Variants in PLXNA2 observed in about 807,000 individuals in gnomAD.
PLXNA2 encodes the protein plexin A2.
PLXNA2 carries 91 observed loss-of-function variants against 193.5 expected under a neutral mutation model. That is an observed-to-expected ratio of 0.47 (90% CI 0.40 to 0.56). PLXNA2 has a LOEUF of 0.56. Ranked by LOEUF, PLXNA2 falls within the 20% of genes least tolerant of loss-of-function variation. PLXNA2 has a pLI of 0.00. For missense variants in PLXNA2, 1,995 were observed against 2,503.2 expected (o/e 0.80, Z 4.33); for synonymous variants, 997 against 1,027.3 (o/e 0.97, Z 0.56).
At chr1:208,145,299 G>C (rs1344923060) in intron 3 of PLXNA2, among the ~76,000 whole-genome samples, 1 of 152,116 alleles carries the variant, frequency 6.6e-6, no homozygotes, top group Non-Finnish European at 1.5e-5. Flanking sequence ...TCCTCTCCAG[G>C]GAGATTTAAG....
chr1:208,121,268 C>T (rs1240965782), intron 4 of PLXNA2, among the ~76,000 whole-genome samples: 1 of 152,064 alleles, frequency 6.6e-6, no homozygotes, highest in Non-Finnish European at 1.5e-5. Context: ...TCCCTAAAAC[C>T]CTCTCACCCC....
intron 3 of PLXNA2, among the ~76,000 whole-genome samples, chr1:208,192,898 GAA>G (rs1553295082): frequency 3.8e-5 from 2 of 52,286 alleles, no homozygotes; most frequent in African/African-American, 1.5e-4. Context: ...AAAAGAAAAA[GAA>G]AAAGAAAAAA....
At chr1:208,235,275 T>C (rs1253508307) in intron 1 of PLXNA2, among the ~76,000 whole-genome samples, 1 of 152,214 alleles carries the variant, frequency 6.6e-6, no homozygotes, top group South Asian at 2.1e-4. Context: ...TTCTTTAGCA[T>C]AGAGATTTTC....
At chr1:208,172,120 A>T (rs1006420088) in intron 3 of PLXNA2, among the ~76,000 whole-genome samples, 10 of 150,968 alleles carry the variant, frequency 6.6e-5, no homozygotes, top group Admixed American at 1.3e-4. Flanking sequence ...AGCTGGGGGG[A>T]AAACAGGCAA....
At chr1:208,229,983 GT>G (rs1261229710) in intron 1 of PLXNA2, among the ~76,000 whole-genome samples, 1 of 152,154 alleles carries the variant, frequency 6.6e-6, no homozygotes, top group Non-Finnish European at 1.5e-5. Flanking sequence ...TACGAGTCTG[GT>G]GACCTTGAAC....
Position 208,028,359 on chromosome 1 carries a change from T to A in PLXNA2, c.5439-200A>T, listed in dbSNP as rs1664401524. Among the ~76,000 whole-genome samples the A allele has an allele frequency of 6.6e-6, 1 of 152,174 alleles. No individual in the cohort carries two copies. Among genetic ancestry groups the A allele is most frequent in the South Asian group, 2.1e-4 (1 of 4,820 alleles). ...GCCAGAGTTTCTTCAGTAGATTCCA[T>A]CTAGCCGAGAGCTCGTGGCTGCGGT... On this transcript the variant is annotated intron_variant, in intron 30 of 31. Transcript: ENST00000367033. This position sits in a 1 kb window ranked among gnomAD's most constrained non-coding sequence, Gnocchi z 4.2.
Position 208,038,724 on chromosome 1 carries a change from G to T in PLXNA2, c.4660+101C>A. 1 of 1,277,444 alleles carries T rather than the reference G, an allele frequency of 7.8e-7. No individual in the cohort carries two copies. The highest frequency in any genetic ancestry group is 1.3e-5 in the South Asian group (1 of 74,530). The allele number at this position is 1,277,444 out of a possible 1,614,324, so 79.1% of individuals were successfully genotyped here. A position where few individuals can be genotyped will look rare whatever the true frequency, so the allele number is the denominator to read the frequency against. On this transcript the variant is annotated intron_variant, in intron 25 of 31. Transcript: ENST00000367033. This position sits in a 1 kb window ranked among gnomAD's most constrained non-coding sequence, Gnocchi z 4.1. ...AAGCATTTCACACGGGCCTCAGCTG[G>T]CCAGGACACAGTCATGCCCCTGCAA...
intron 9 of PLXNA2, among the ~76,000 whole-genome samples, chr1:208,088,780 G>T (rs1666617893): frequency 6.6e-6 from 1 of 152,234 alleles, no homozygotes; most frequent in African/African-American, 2.4e-5. Context: ...AAATCAATGT[G>T]TGTTGTAAGT....
intron 12 of PLXNA2, among the ~76,000 whole-genome samples, chr1:208,078,116 G>A (rs952420469): frequency 6.6e-6 from 1 of 152,172 alleles, no homozygotes; most frequent in Non-Finnish European, 1.5e-5. Flanking sequence ...GTATAAACTT[G>A]GGCATGTCAC....
intron 26 of PLXNA2, among the ~76,000 whole-genome samples, chr1:208,036,280 T>C (rs1475318531): frequency 1.3e-5 from 2 of 152,234 alleles, no homozygotes; most frequent in Non-Finnish European, 2.9e-5. Flanking sequence ...TTATCATTTA[T>C]AGTTTCTTGT....
At chr1:208,032,782 T>C (rs1664542580) in intron 28 of PLXNA2, among the ~76,000 whole-genome samples, 1 of 152,134 alleles carries the variant, frequency 6.6e-6, no homozygotes, top group Non-Finnish European at 1.5e-5. Context: ...GTGCTTTCCC[T>C]CCCATTGTGG....
intron 3 of PLXNA2, among the ~76,000 whole-genome samples, chr1:208,180,827 T>A (rs1024287360): frequency 9.2e-5 from 14 of 152,118 alleles, no homozygotes; most frequent in African/African-American, 3.4e-4. Context: ...ATGGAAGATA[T>A]CCCAGGAGGG....
At chr1:208,066,910 T>G (rs879857147) in intron 12 of PLXNA2, among the ~76,000 whole-genome samples, 1 of 152,054 alleles carries the variant, frequency 6.6e-6, no homozygotes, top group Non-Finnish European at 1.5e-5. Flanking sequence ...AAAAAGTGAA[T>G]TTCAAAAATA....
intron 4 of PLXNA2, among the ~76,000 whole-genome samples, chr1:208,139,672 A>G (rs1668407848): frequency 6.6e-6 from 1 of 152,184 alleles, no homozygotes; most frequent in East Asian, 1.9e-4. Flanking sequence ...CTGTCAGAGG[A>G]TTCTACTATC....
Position 208,082,690 on chromosome 1 carries a change from G to A in PLXNA2, c.2299-182C>T, listed in dbSNP as rs143616064. The stretch of plus-strand genomic sequence containing the variant: ...TTGGCATTCAGTGCCCTGCATAATC[G>A]GATGCAAACTGACTCCTCCAGCTTT... On this transcript the variant is annotated intron_variant, in intron 10 of 31. Transcript: ENST00000367033. The surrounding 1 kb of genome is among the most constrained non-coding windows in gnomAD (Gnocchi z 4.2). 4.0e-4 allele frequency among the ~76,000 whole-genome samples: 61 copies of A among 152,180 alleles called. No individual in the cohort carries two copies. The highest frequency in any genetic ancestry group is 1.4e-3 in the African/African-American group (59 of 41,514).
chr1:208,137,564 C>T (rs473500), intron 4 of PLXNA2, among the ~76,000 whole-genome samples: 19,314 of 152,170 alleles, frequency 0.13, 1,639 homozygotes, highest in Middle Eastern at 0.19. Context: ...TCTGCTGATT[C>T]GCTGTCAGTG....
At chr1:208,039,556 G>C in intron 24 of PLXNA2, 65 bp downstream of exon 24, 1 of 1,600,824 alleles carries the variant, frequency 6.2e-7, no homozygotes, top group Non-Finnish European at 8.5e-7. Context: ...TTTATGGACA[G>C]AAGGCAGAGC....
rs912782223 is a variant in PLXNA2 at position 208,082,974 on chromosome 1, A to G, written c.2299-466T>C. Among the ~76,000 whole-genome samples, 7 of 152,144 alleles carry G rather than the reference A, an allele frequency of 4.6e-5. No individual in the cohort carries two copies. The East Asian group carries it at 7.8e-4, about 17-fold the overall frequency. ...TTGCCACTTTCTGTCTTGCACTGGC[A>G]CTTTCCAGGATCTGCTGTGCCTCTT... On this transcript the variant is annotated intron_variant, in intron 10 of 31. Transcript: ENST00000367033. This position sits in a 1 kb window ranked among gnomAD's most constrained non-coding sequence, Gnocchi z 4.2.
In PLXNA2 at chr1:208,026,448, A is replaced by T. The variant is rs975217538; in HGVS notation, c.*795T>A. The stretch of plus-strand genomic sequence containing the variant: ...TATCTAGGTACACATCTCCTCTCAA[A>T]AGATGAGAATATACAGGTGTGTGGT... On this transcript the variant is annotated 3_prime_UTR_variant, in exon 32 of 32. Coordinates refer to ENST00000367033, the MANE Select transcript of PLXNA2 (RefSeq NM_025179.4). 2.6e-5 allele frequency: 4 copies of T among 152,254 alleles called. No individual in the cohort carries two copies. The highest frequency in any genetic ancestry group is 9.6e-5 in the African/African-American group (4 of 41,468). 9.4% of individuals were successfully genotyped at this position (152,254 alleles called of 1,614,324 possible).
Sources: allele counts gnomAD v4.1 joint callset (sites outside exome capture counted in the v4.1 genomes callset), GRCh38; gene constraint gnomAD v4.1.1; non-coding constraint Gnocchi (gnomAD v3.1); transcripts MANE v1.5; gene names NCBI Gene and HGNC (gene_info 2026-07-23, HGNC 2026-07-21).